The following PAPPA2 variants were observed in gnomAD, a reference collection of about 807,000 sequenced individuals.
PAPPA2 encodes pappalysin-2.
A neutral mutation model predicts 176.4 loss-of-function variants in PAPPA2; 86 were observed. That is an observed-to-expected ratio of 0.49 (90% CI 0.41 to 0.58). The LOEUF (loss-of-function observed/expected upper bound fraction) is 0.58, where lower values mean the gene tolerates loss of function less well. PAPPA2 is among the 20% of genes least tolerant of loss of function. PAPPA2 has a pLI of 0.00. For missense variants in PAPPA2, 2,073 were observed against 2,256.9 expected, an observed-to-expected ratio of 0.92 and a Z score of 1.65; for synonymous variants, 809 against 852.2, an observed-to-expected ratio of 0.95 and a Z score of 0.88.
At chr1:176,516,359 C>T (rs538244216) in intron 1 of PAPPA2, among the ~76,000 whole-genome samples, 10 of 151,978 alleles carry the variant, frequency 6.6e-5, no homozygotes, top group African/African-American at 2.4e-4. Flanking sequence ...ACCATCCTCC[C>T]CACTCCCCCA....
rs142779821 is a variant in PAPPA2, at chr1:176,486,598, C to G, written c.-917+23180C>G. Among the ~76,000 whole-genome samples the G allele has an allele frequency of 1.8e-3, 276 of 152,216 alleles. 1 individual carries two copies. The highest frequency in any genetic ancestry group is 6.4e-3 in the African/African-American group (264 of 41,516). ...GGCATTTGAGTGAAATCTTAATTCT[C>G]TAGGTGGGGAGCAAACTGAGGGCTT... On this transcript the variant is annotated intron_variant, in intron 1 of 22. Transcript: ENST00000367662.
At chr1:176,617,223 C>T (rs1487645680) in intron 3 of PAPPA2, among the ~76,000 whole-genome samples, 1 of 152,116 alleles carries the variant, frequency 6.6e-6, no homozygotes, top group East Asian at 1.9e-4. Flanking sequence ...CCAAGAACAC[C>T]ACAGAACTGA....
chr1:176,606,063 T>C (rs1206251121), intron 3 of PAPPA2, among the ~76,000 whole-genome samples: 1 of 151,540 alleles, frequency 6.6e-6, no homozygotes, highest in Non-Finnish European at 1.5e-5. Flanking sequence ...ATATATAATA[T>C]TTTATATATA....
intron 2 of PAPPA2, among the ~76,000 whole-genome samples, chr1:176,558,741 G>C (rs868790585): frequency 2.8e-4 from 43 of 152,290 alleles, no homozygotes; most frequent in African/African-American, 9.4e-4. Context: ...TCTTCTTGCT[G>C]CTTAATCTTG....
intron 1 of PAPPA2, among the ~76,000 whole-genome samples, chr1:176,544,657 C>T (rs1478056167): frequency 1.3e-5 from 2 of 152,140 alleles, no homozygotes; most frequent in African/African-American, 4.8e-5. Context: ...CACTATCTAC[C>T]TGGGCTTAGT....
chr1:176,574,659 A>G (rs892730544), intron 2 of PAPPA2, among the ~76,000 whole-genome samples: 10 of 152,222 alleles, frequency 6.6e-5, no homozygotes, highest in African/African-American at 1.9e-4. Context: ...AAGGCACATG[A>G]TAACTCCAGG....
chr1:176,654,576 T>C (rs1485311792), intron 3 of PAPPA2, among the ~76,000 whole-genome samples: 1 of 151,370 alleles, frequency 6.6e-6, no homozygotes, highest in Non-Finnish European at 1.5e-5. Flanking sequence ...AGCTGTTTTT[T>C]CCATATGAAT....
intron 12 of PAPPA2, among the ~76,000 whole-genome samples, chr1:176,721,951 G>A (rs148711357): frequency 4.7e-5 from 7 of 149,568 alleles, no homozygotes; most frequent in South Asian, 4.2e-4. Context: ...TCATGCTGTC[G>A]TCTGATTATT....
At chr1:176,816,273 G>A (rs960946644) in intron 21 of PAPPA2, among the ~76,000 whole-genome samples, 179 of 131,486 alleles carry the variant, frequency 1.4e-3, no homozygotes, top group African/African-American at 4.4e-3. Context: ...ATGTACACAC[G>A]TATATATAAT....
intron 12 of PAPPA2, among the ~76,000 whole-genome samples, chr1:176,726,012 C>G (rs1661851846): frequency 1.3e-5 from 2 of 152,162 alleles, no homozygotes; most frequent in African/African-American, 4.8e-5. Context: ...GATTTCCTGA[C>G]CTCGTGATCC....
At chr1:176,686,049 T>G (rs1659821832) in intron 4 of PAPPA2, among the ~76,000 whole-genome samples, 1 of 152,154 alleles carries the variant, frequency 6.6e-6, no homozygotes, top group Admixed American at 6.5e-5. Context: ...CTCATTTCCC[T>G]AATAACATCA....
intron 3 of PAPPA2, among the ~76,000 whole-genome samples, chr1:176,596,177 C>T (rs1653970484): frequency 6.6e-6 from 1 of 152,176 alleles, no homozygotes; most frequent in South Asian, 2.1e-4. Context: ...GTGCAGCATC[C>T]AGAAGGATCT....
At chr1:176,712,870 T>C (rs1379208503) in intron 12 of PAPPA2, among the ~76,000 whole-genome samples, 2 of 152,212 alleles carry the variant, frequency 1.3e-5, no homozygotes, top group East Asian at 3.8e-4. Context: ...TGTTTTGTTG[T>C]ATATGTAAAG....
intron 21 of PAPPA2, among the ~76,000 whole-genome samples, chr1:176,810,406 G>A (rs1666097739): frequency 6.6e-6 from 1 of 152,068 alleles, no homozygotes; most frequent in African/African-American, 2.4e-5. Context: ...TGTCGGTGGG[G>A]GGAGTTTCAG....
intron 1 of PAPPA2, among the ~76,000 whole-genome samples, chr1:176,548,625 C>G (rs762063264): frequency 6.6e-6 from 1 of 151,970 alleles, no homozygotes; most frequent in Non-Finnish European, 1.5e-5. Flanking sequence ...TCTGGAAACG[C>G]GCAGTTCTTT....
At chr1:176,614,366 G>A (rs966705070) in intron 3 of PAPPA2, among the ~76,000 whole-genome samples, 1 of 152,194 alleles carries the variant, frequency 6.6e-6, no homozygotes, top group African/African-American at 2.4e-5. Context: ...GCCACGTACT[G>A]TCTTGTAGCA....
chr1:176,600,032 T>G (rs34185312), intron 3 of PAPPA2, among the ~76,000 whole-genome samples: 24,309 of 152,124 alleles, frequency 0.16, 2,065 homozygotes, highest in Middle Eastern at 0.23. Flanking sequence ...TTTTTATGAC[T>G]CTTGGCAAAA....
At chr1:176,669,825 G>A (rs1300349650) in intron 3 of PAPPA2, among the ~76,000 whole-genome samples, 2 of 152,134 alleles carry the variant, frequency 1.3e-5, no homozygotes, top group Non-Finnish European at 2.9e-5. Context: ...TCAACAATCA[G>A]GAGGCAGAGC....
intron 1 of PAPPA2, among the ~76,000 whole-genome samples, chr1:176,511,009 A>C (rs2102523184): frequency 6.6e-6 from 1 of 152,258 alleles, no homozygotes; most frequent in East Asian, 1.9e-4. Flanking sequence ...ATTCAAACAT[A>C]GCCATATCAA....
Sources: allele counts gnomAD v4.1 joint callset (sites outside exome capture counted in the v4.1 genomes callset), GRCh38; gene constraint gnomAD v4.1.1; transcripts MANE v1.5; gene names NCBI Gene and HGNC (gene_info 2026-07-23, HGNC 2026-07-21).